Variants in CPEB2 observed in about 807,000 individuals in gnomAD.
The protein encoded by CPEB2 is cytoplasmic polyadenylation element binding protein 2.
A neutral mutation model predicts 93.6 loss-of-function variants in CPEB2; 56 were observed. The ratio of observed to expected loss-of-function variants is 0.60; its 90% CI spans 0.48 to 0.75. CPEB2 has a LOEUF of 0.75. CPEB2 is among the 30% of genes least tolerant of loss of function. The probability of loss-of-function intolerance (pLI) is 0.00; values close to 1 mark genes in which losing one functional copy is unlikely to be tolerated. For synonymous variants in CPEB2, 764 were observed against 586.3 expected (o/e 1.30, Z -4.38); for missense variants, 1,579 against 1,395.1 (o/e 1.13, Z -2.10).
rs761153360 is a variant in CPEB2, at chr4:15,008,380, C to G, written c.1987C>G (p.Leu663Val). ...LQLPAWGSDSLQDSWCTAAGT... is the reference protein window; with the variant it reads ...LQLPAWGSDSVQDSWCTAAGT... ...GTTGCCAGCTTGGGGCTCAGATTCA[C>G]TCCAAGATAGTTGGTGCACTGCAGC... is the stretch of plus-strand genomic sequence containing the variant. The change falls in exon 3 of 12, where the codon CTC (leucine) becomes GTC (valine). Residue 663 changes from leucine (L) to valine (V), a missense_variant. By Grantham distance (32) the Leu-to-Val change is conservative (BLOSUM62 1). Around this residue, in one of 2 missense-constraint regions of CPEB2, gnomAD observed 1,411 missense variants for 1,056.0 expected, o/e 1.34. Coordinates refer to ENST00000538197, the MANE Select transcript of CPEB2 (RefSeq NM_001177382.2). 6.2e-7 allele frequency: 1 copy of G among 1,613,946 alleles called. No homozygotes were observed.
At chr4:15,027,637 T>C (rs1725629026) in intron 4 of CPEB2, among the ~76,000 whole-genome samples, 1 of 152,174 alleles carries the variant, frequency 6.6e-6, no homozygotes, top group South Asian at 2.1e-4. Context: ...ATGAAAACAA[T>C]ATTGGAAGAG....
intron 10 of CPEB2, among the ~76,000 whole-genome samples, chr4:15,060,392 A>G (rs1729078634): frequency 6.6e-6 from 1 of 152,166 alleles, no homozygotes; most frequent in African/African-American, 2.4e-5. Context: ...GAGGGGGGCC[A>G]GGGTGAGAGT....
intron 4 of CPEB2, among the ~76,000 whole-genome samples, chr4:15,023,500 T>C (rs554822092): frequency 6.6e-6 from 1 of 152,222 alleles, no homozygotes; most frequent in South Asian, 2.1e-4. Flanking sequence ...TCATAATTGA[T>C]ATTTTGGTGT....
chr4:15,054,224 AT>A lies in CPEB2; in HGVS notation c.2461+9del. 6.3e-7 allele frequency: 1 copy of A among 1,587,022 alleles called. No homozygotes were observed. ...TCCTATTTTCCACCAAAAGGTAAGGATTGTTATTGTTAATATTTGCTAGGAA... is the reference window on the plus strand; with the variant it reads ...TCCTATTTTCCACCAAAAGGTAAGGATGTTATTGTTAATATTTGCTAGGAA... On this transcript the variant is annotated splice_region_variant and intron_variant, in intron 8 of 11. Transcript: ENST00000538197.
intron 4 of CPEB2, among the ~76,000 whole-genome samples, chr4:15,018,782 G>A (rs1189890865): frequency 6.9e-6 from 1 of 145,410 alleles, no homozygotes; most frequent in Non-Finnish European, 1.5e-5. Context: ...TTTTTCAAAA[G>A]GCTTTTTAAA....
chr4:15,058,339 C>G, intron 8 of CPEB2, 82 bp from the exon 9 acceptor site: 2 of 715,318 alleles, frequency 2.8e-6, no homozygotes, highest in South Asian at 1.8e-5. Context: ...TTTTCAAAAG[C>G]ATGTATTTTC....
chr4:15,054,240 T>A, intron 8 of CPEB2, 23 bp downstream of exon 8: 1 of 1,559,238 alleles, frequency 6.4e-7, no homozygotes, highest in Non-Finnish European at 8.8e-7. Flanking sequence ...ATTGTTAATA[T>A]TTGCTAGGAA....
intron 6 of CPEB2, among the ~76,000 whole-genome samples, chr4:15,048,171 A>G (rs1232646101): frequency 1.3e-5 from 2 of 151,826 alleles, no homozygotes; most frequent in African/African-American, 4.8e-5. Flanking sequence ...TGTGTTCATG[A>G]GGGATATTGG....
chr4:15,013,640 A>G (rs1214988780), intron 3 of CPEB2, among the ~76,000 whole-genome samples: 1 of 152,014 alleles, frequency 6.6e-6, no homozygotes, highest in Admixed American at 6.6e-5. Context: ...AATTCCTGCA[A>G]TTTATTTAAT....
chr4:15,026,922 T>C (rs1725535318), intron 4 of CPEB2, among the ~76,000 whole-genome samples: 2 of 152,216 alleles, frequency 1.3e-5, no homozygotes, highest in South Asian at 2.1e-4. Flanking sequence ...GTTTGCTTTA[T>C]ACCAGTTCCA....
rs760093610 is a variant in CPEB2 at position 15,003,790 on chromosome 4, C to A, written c.1117C>A (p.Pro373Thr). ...CGGAGGGGGAGGCGGCTCCGCGTCGCCGCCGCCGCTGCCCGGCTTCGGCAC... is the reference window on the plus strand; with the variant it reads ...CGGAGGGGGAGGCGGCTCCGCGTCGACGCCGCCGCTGCCCGGCTTCGGCAC... Reference protein sequence around the residue: ...GGGGGGGSASPPPLPGFGTPW... With the variant: ...GGGGGGGSASTPPLPGFGTPW... Residue 373 changes from proline (P) to threonine (T), a missense_variant, in exon 1 of 12, where the codon CCG becomes ACG. Physicochemically the swap from Pro to Thr is conservative, Grantham distance 38. This residue lies in a region of CPEB2 where 1,411 missense variants were observed against 1,056.0 expected (regional missense o/e 1.34). Transcript: ENST00000538197. 2.8e-6 allele frequency: 3 copies of A among 1,078,868 alleles called. No homozygotes were observed. Among genetic ancestry groups the A allele is most frequent in the South Asian group, 4.4e-5 (1 of 22,538 alleles). The allele number at this position is 1,078,868 out of a possible 1,614,324, so 66.8% of individuals were successfully genotyped here. A position where few individuals can be genotyped will look rare whatever the true frequency, so the allele number is the denominator to read the frequency against.
intron 4 of CPEB2, among the ~76,000 whole-genome samples, chr4:15,018,939 TATATATATA>T (rs1182130940): frequency 6.7e-5 from 1 of 14,846 alleles, no homozygotes; most frequent in East Asian, 0.042. Flanking sequence ...GGGAATTTTA[TATATATATA>T]TATATATATA....
rs779997202 is a variant in CPEB2 at position 15,003,661 on chromosome 4, C to T, written c.988C>T (p.Pro330Ser). Reference sequence around the variant, plus strand: ...GCTCAACAGTCCCAGTAACCTCCTGCCCGGAGGTGCGCTTGGCGCGGGCGC... The same window carrying T: ...GCTCAACAGTCCCAGTAACCTCCTGTCCGGAGGTGCGCTTGGCGCGGGCGC... ...PLLNSPSNLL[P>S]GGALGAGAFS... is the part of the protein sequence containing the mutation. The change falls in exon 1 of 12, where the codon CCC becomes TCC. Residue 330 changes from proline to serine, a missense_variant. Physicochemically the swap from Pro to Ser is moderately conservative, Grantham distance 74 (BLOSUM62 -1). This residue lies in a region of CPEB2 where 1,411 missense variants were observed against 1,056.0 expected (regional missense o/e 1.34). Coordinates refer to ENST00000538197, the MANE Select transcript of CPEB2 (RefSeq NM_001177382.2). The T allele has an allele frequency of 6.8e-7, 1 of 1,471,412 alleles. No individual in the cohort carries two copies. The highest frequency in any genetic ancestry group is 1.3e-5 in the South Asian group (1 of 78,298). 91.1% of individuals were successfully genotyped at this position (1,471,412 alleles called of 1,614,324 possible).
At chr4:15,064,813 C>G (rs992105533) in intron 11 of CPEB2, among the ~76,000 whole-genome samples, 2 of 151,856 alleles carry the variant, frequency 1.3e-5, no homozygotes, top group Admixed American at 6.6e-5. Context: ...TAATAATGTT[C>G]CCATAAAGGA....
intron 4 of CPEB2, among the ~76,000 whole-genome samples, chr4:15,031,264 G>A (rs1726066764): frequency 6.6e-6 from 1 of 151,138 alleles, no homozygotes; most frequent in African/African-American, 2.4e-5. Context: ...TTGCCATTTT[G>A]TAGGAGTTTG....
chr4:15,034,688 T>A (rs1327031076), intron 5 of CPEB2, among the ~76,000 whole-genome samples: 1 of 152,194 alleles, frequency 6.6e-6, no homozygotes, highest in African/African-American at 2.4e-5. Flanking sequence ...CAAAGAGAAT[T>A]TTTTTTAAAA....
chr4:15,057,186 T>A (rs563634041), intron 8 of CPEB2, among the ~76,000 whole-genome samples: 133 of 152,312 alleles, frequency 8.7e-4, no homozygotes, highest in African/African-American at 3.1e-3. Context: ...TGAAATTGTT[T>A]CCAGCAGTGT....
intron 5 of CPEB2, among the ~76,000 whole-genome samples, chr4:15,036,420 T>C (rs1726618207): frequency 6.6e-6 from 1 of 152,166 alleles, no homozygotes; most frequent in Non-Finnish European, 1.5e-5. Context: ...TATAGAATTG[T>C]GTAGATTGTT....
At position 15,033,209 on chromosome 4, in the gene CPEB2, A is replaced by G; in HGVS notation, c.2174A>G (p.Asn725Ser). The change falls in exon 5 of 12, where the codon AAT becomes AGT. Residue 725 changes from asparagine to serine, a missense_variant and splice_region_variant. By Grantham distance (46) the Asn-to-Ser change is conservative. This residue lies in a region of CPEB2 where 1,411 missense variants were observed against 1,056.0 expected (regional missense o/e 1.34). Transcript: ENST00000538197. ...HPGTDNLLMLNARSYGRRRGR... is the reference protein window; with the variant it reads ...HPGTDNLLMLSARSYGRRRGR... ...GGAACTGACAATCTGTTGATGTTAA[A>G]TGGTAAGTTTTATAAAAACATTTTA... 2 of 1,581,002 alleles carry G rather than the reference A, an allele frequency of 1.3e-6. No homozygotes were observed. Among genetic ancestry groups the G allele is most frequent in the South Asian group, 1.1e-5 (1 of 89,784 alleles).
Sources: allele counts gnomAD v4.1 joint callset (sites outside exome capture counted in the v4.1 genomes callset), GRCh38; gene constraint gnomAD v4.1.1; regional missense constraint gnomAD v4.1.1; transcripts MANE v1.5; gene names NCBI Gene and HGNC (gene_info 2026-07-23, HGNC 2026-07-21).